Variants in P2RY8 observed in about 807,000 individuals in gnomAD.
The protein encoded by P2RY8 is S-geranylgeranyl-glutathione receptor P2RY8.
A neutral mutation model predicts 10.0 loss-of-function variants in P2RY8; 6 were observed. The ratio of observed to expected loss-of-function variants is 0.60; its 90% CI spans 0.33 to 1.19. The LOEUF is 1.19. Ranked by LOEUF, P2RY8 falls within the 50% of genes most tolerant of loss-of-function variation. The pLI is 0.04. For synonymous variants in P2RY8, 276 were observed against 252.5 expected (o/e 1.09, Z -0.88); for missense variants, 456 against 542.0 (o/e 0.84, Z 1.58).
rs182475009 is a variant in P2RY8 at position 1,492,172 on chromosome X, G to C, written c.-24-25590C>G. Among the ~76,000 whole-genome samples, 837 of 152,224 alleles carry C rather than the reference G, an allele frequency of 5.5e-3. 6 individuals carry two copies. The highest frequency in any genetic ancestry group is 0.019 in the African/African-American group (791 of 41,548). On this transcript the variant is annotated intron_variant, in intron 1 of 1. Coordinates refer to ENST00000381297, the MANE Select transcript of P2RY8 (RefSeq NM_178129.5). ...AAGCCTTTCAATCACTGAGGATAGGGGGGTGTGGTCCAAGCCTGTCAATCA... is the reference window on the plus strand; with the variant it reads ...AAGCCTTTCAATCACTGAGGATAGGCGGGTGTGGTCCAAGCCTGTCAATCA...
At chrX:1,494,337 G>GTGA in intron 1 of P2RY8, 1 of 152,308 alleles carries the variant, frequency 6.6e-6, no homozygotes, top group East Asian at 1.9e-4. Context: ...AGCCTCCGGA[G>GTGA]ACCCAGCAAG....
intron 1 of P2RY8, among the ~76,000 whole-genome samples, chrX:1,496,758 C>T (rs1317445067): frequency 6.7e-6 from 1 of 150,292 alleles, no homozygotes; most frequent in African/African-American, 2.5e-5. Flanking sequence ...AGTGCAGTAG[C>T]GCGATGTCGG....
chrX:1,504,903 C>T (rs28527799), intron 1 of P2RY8, among the ~76,000 whole-genome samples: 79,214 of 151,756 alleles, frequency 0.52, 21,341 homozygotes, highest in African/African-American at 0.63. Context: ...GAAGCCGAGG[C>T]GGGTGGATCA....
intron 1 of P2RY8, among the ~76,000 whole-genome samples, chrX:1,509,043 T>C (rs1454651539): frequency 8.5e-5 from 8 of 94,194 alleles, no homozygotes; most frequent in East Asian, 3.2e-4. Context: ...TCCATCCATT[T>C]ATTCTATCTA....
chrX:1,511,598 C>T lies in P2RY8; in HGVS notation c.-25+25323G>A, dbSNP rs1456117969. ...GCAGTGGTGTGATCACAGCCCACTG[C>T]AGCCTCCAACTCCTGGGTTCAAACT... On this transcript the variant is annotated intron_variant, in intron 1 of 1. Transcript: ENST00000381297. Among the ~76,000 whole-genome samples, 4 of 152,208 alleles carry T rather than the reference C, an allele frequency of 2.6e-5. No individual in the cohort carries two copies. In the East Asian group the frequency reaches 5.8e-4, roughly 22 times the overall value.
chrX:1,476,362 G>A (rs2091873177), intron 1 of P2RY8, among the ~76,000 whole-genome samples: 1 of 151,894 alleles, frequency 6.6e-6, no homozygotes, highest in Non-Finnish European at 1.5e-5. Flanking sequence ...AGATCATGAG[G>A]TCAGGAGATG....
At chrX:1,495,842 C>A (rs2092111524) in intron 1 of P2RY8, among the ~76,000 whole-genome samples, 1 of 116,962 alleles carries the variant, frequency 8.5e-6, no homozygotes, top group Non-Finnish European at 1.9e-5. Context: ...GCCCCCCAGT[C>A]TACGGTATTC....
chrX:1,487,046 G>A (rs1239478000), intron 1 of P2RY8, among the ~76,000 whole-genome samples: 1 of 152,220 alleles, frequency 6.6e-6, no homozygotes, highest in Admixed American at 6.5e-5. Flanking sequence ...GGTCCCTACC[G>A]GGGTGTCTGG....
intron 1 of P2RY8, among the ~76,000 whole-genome samples, chrX:1,486,701 C>T (rs184757105): frequency 1.1e-3 from 164 of 152,322 alleles, no homozygotes; most frequent in African/African-American, 3.8e-3. Context: ...CGCTTTAAAA[C>T]GGTGAGTTCA....
At chrX:1,527,656 CTTCA>C (rs1233027262) in intron 1 of P2RY8, among the ~76,000 whole-genome samples, 4 of 151,062 alleles carry the variant, frequency 2.6e-5, no homozygotes, top group East Asian at 2.0e-4. Flanking sequence ...CCAATCATCC[CTTCA>C]TTCATTCATT....
At chrX:1,503,542 C>T (rs2092199818) in intron 1 of P2RY8, among the ~76,000 whole-genome samples, 2 of 152,018 alleles carry the variant, frequency 1.3e-5, no homozygotes, top group South Asian at 4.1e-4. Flanking sequence ...GAGCAGATCA[C>T]CTGAGGTCAG....
At chrX:1,532,238 T>TTA (rs1371649938) in intron 1 of P2RY8, among the ~76,000 whole-genome samples, 1 of 151,594 alleles carries the variant, frequency 6.6e-6, no homozygotes, top group Non-Finnish European at 1.5e-5. Context: ...TGTGGTGTAT[T>TTA]TATATATATA....
chrX:1,530,274 TATC>T (rs2092465307), intron 1 of P2RY8, among the ~76,000 whole-genome samples: 1 of 114,316 alleles, frequency 8.7e-6, no homozygotes, highest in Non-Finnish European at 2.0e-5. Flanking sequence ...CACCATTATC[TATC>T]TATCTATCTA....
chrX:1,478,179 C>G (rs1187485655), intron 1 of P2RY8, among the ~76,000 whole-genome samples: 2 of 151,814 alleles, frequency 1.3e-5, no homozygotes, highest in South Asian at 4.2e-4. Flanking sequence ...TCTCCTGTTT[C>G]CAATCCTAAG....
At chrX:1,514,506 C>A (rs1220578806) in intron 1 of P2RY8, among the ~76,000 whole-genome samples, 2 of 27,862 alleles carry the variant, frequency 7.2e-5, no homozygotes, top group African/African-American at 3.7e-4. Context: ...TCCCTCCCTT[C>A]CCTTCCCTTT....
intron 1 of P2RY8, among the ~76,000 whole-genome samples, chrX:1,512,340 C>T (rs1387808756): frequency 7.9e-5 from 12 of 151,796 alleles, no homozygotes; most frequent in African/African-American, 2.4e-4. Flanking sequence ...TGAGGTCAGG[C>T]GTTTGAGACC....
chrX:1,511,246 A>G (rs1280064768), intron 1 of P2RY8, among the ~76,000 whole-genome samples: 1 of 152,176 alleles, frequency 6.6e-6, no homozygotes, highest in African/African-American at 2.4e-5. Flanking sequence ...GGGCACATTA[A>G]AGGTTAAAAG....
intron 1 of P2RY8, among the ~76,000 whole-genome samples, chrX:1,474,725 G>C (rs1299075336): frequency 2.1e-5 from 3 of 144,752 alleles, no homozygotes; most frequent in African/African-American, 7.7e-5. Context: ...ATGAATGGAT[G>C]AGGATGGGTA....
intron 1 of P2RY8, 98 bp from the exon 2 acceptor site, chrX:1,466,680 G>T (rs1480212177): frequency 8.3e-7 from 1 of 1,201,348 alleles, no homozygotes; most frequent in East Asian, 2.4e-5. Context: ...GGACCAAGGC[G>T]GGGGAGATGC....
Sources: allele counts gnomAD v4.1 joint callset (sites outside exome capture counted in the v4.1 genomes callset), GRCh38; gene constraint gnomAD v4.1.1; transcripts MANE v1.5; gene names NCBI Gene and HGNC (gene_info 2026-07-23, HGNC 2026-07-21).